Variants in NMNAT3 observed in about 807,000 individuals in gnomAD.
The protein encoded by NMNAT3 is nicotinamide/nicotinic acid mononucleotide adenylyltransferase 3.
NMNAT3 carries 21 observed loss-of-function variants against 24.8 expected under a neutral mutation model. The ratio of observed to expected loss-of-function variants is 0.85; its 90% CI spans 0.60 to 1.22. The LOEUF is 1.22. Among genes scored for constraint, NMNAT3 ranks in the 50% most tolerant of loss-of-function variants. The pLI is 0.00. For synonymous variants in NMNAT3, 136 were observed against 155.2 expected (o/e 0.88, Z 0.92); for missense variants, 387 against 436.6 (o/e 0.89, Z 1.01).
intron 3 of NMNAT3, chr3:139,599,475 G>A (rs2054617708): frequency 1.4e-6 from 1 of 694,774 alleles, no homozygotes; most frequent in Non-Finnish European, 2.6e-6. Context: ...AAATCTAAGA[G>A]ATCAGGAGCA....
intron 1 of NMNAT3, among the ~76,000 whole-genome samples, chr3:139,673,350 CA>C (rs1004618156): frequency 7.9e-5 from 12 of 152,274 alleles, no homozygotes; most frequent in African/African-American, 2.9e-4. Flanking sequence ...AATTGGATCA[CA>C]GCATTATTCT....
chr3:139,636,685 A>G (rs967619080), intron 2 of NMNAT3: 5 of 152,360 alleles, frequency 3.3e-5, no homozygotes, highest in African/African-American at 4.8e-5. Context: ...ATTTGTGGAC[A>G]CAATACTCAA....
intron 6 of NMNAT3, chr3:139,566,138 T>G (rs1214285866): frequency 1.3e-5 from 2 of 152,116 alleles, no homozygotes; most frequent in African/African-American, 4.8e-5. Context: ...TTTCATGTGT[T>G]TTTTGGCTGC....
At chr3:139,576,018 A>G (rs1939252629) in intron 5 of NMNAT3, 2 of 1,289,206 alleles carry the variant, frequency 1.6e-6, no homozygotes, top group Non-Finnish European at 2.0e-6. Context: ...ACAACACAAG[A>G]TCATGTCTGC....
intron 2 of NMNAT3, chr3:139,635,856 G>A (rs1219612056): frequency 1.3e-5 from 2 of 152,206 alleles, no homozygotes; most frequent in East Asian, 1.9e-4. Flanking sequence ...CATGCCTAAG[G>A]TCTGGCCAGT....
chr3:139,570,048 ACT>A (rs1937906756), intron 6 of NMNAT3: 1 of 151,718 alleles, frequency 6.6e-6, no homozygotes, highest in Non-Finnish European at 1.5e-5. Flanking sequence ...GTTTCTTTTT[ACT>A]CTTTTTCCTC....
At chr3:139,604,169 T>C (rs534561368) in intron 3 of NMNAT3, among the ~76,000 whole-genome samples, 4 of 152,302 alleles carry the variant, frequency 2.6e-5, no homozygotes, top group East Asian at 3.9e-4. Flanking sequence ...CCTTCATAAA[T>C]GTAGACACTG....
chr3:139,582,556 C>T (rs2053693137), intron 4 of NMNAT3, among the ~76,000 whole-genome samples: 1 of 136,164 alleles, frequency 7.3e-6, no homozygotes, highest in Admixed American at 8.6e-5. Flanking sequence ...GTGGGTGGAT[C>T]ACTTGAACCC....
At chr3:139,604,639 T>C (rs1271357470) in intron 3 of NMNAT3, among the ~76,000 whole-genome samples, 1 of 152,178 alleles carries the variant, frequency 6.6e-6, no homozygotes, top group Non-Finnish European at 1.5e-5. Context: ...GGTAGTCTGG[T>C]TCCAGGGCCC....
At chr3:139,594,785 T>G (rs1485736917) in intron 3 of NMNAT3, among the ~76,000 whole-genome samples, 1 of 152,106 alleles carries the variant, frequency 6.6e-6, no homozygotes, top group Non-Finnish European at 1.5e-5. Flanking sequence ...AAACTCTCAA[T>G]AAATTAGGTA....
At chr3:139,676,308 C>A (rs1467533442) in intron 1 of NMNAT3, among the ~76,000 whole-genome samples, 1 of 152,192 alleles carries the variant, frequency 6.6e-6, no homozygotes, top group East Asian at 1.9e-4. Context: ...GAGCAGCTGA[C>A]AGATGTTTCC....
chr3:139,648,690 A>C (rs538882041), intron 1 of NMNAT3, among the ~76,000 whole-genome samples: 1 of 152,356 alleles, frequency 6.6e-6, no homozygotes, highest in African/African-American at 2.4e-5. Context: ...ATATGTCATC[A>C]GACTGTCCTC....
At chr3:139,663,602 C>G (rs2057487670) in intron 1 of NMNAT3, among the ~76,000 whole-genome samples, 1 of 152,196 alleles carries the variant, frequency 6.6e-6, no homozygotes, top group Non-Finnish European at 1.5e-5. Flanking sequence ...CCACTTAACT[C>G]CTCTGGCCTC....
intron 1 of NMNAT3, among the ~76,000 whole-genome samples, chr3:139,638,535 G>A (rs1346286617): frequency 6.7e-6 from 1 of 149,758 alleles, no homozygotes; most frequent in East Asian, 2.0e-4. Context: ...GGCCCTTCTA[G>A]TGCCCAAATC....
intron 6 of NMNAT3, 34 bp downstream of exon 6, chr3:139,573,564 T>G: frequency 1.5e-6 from 2 of 1,346,830 alleles, no homozygotes; most frequent in South Asian, 2.8e-5. Flanking sequence ...CCCTGACATC[T>G]CATTCTCCTA....
intron 5 of NMNAT3, among the ~76,000 whole-genome samples, chr3:139,573,949 T>C (rs1938873705): frequency 6.6e-6 from 1 of 152,024 alleles, no homozygotes; most frequent in Non-Finnish European, 1.5e-5. Context: ...TTCTATTCTT[T>C]TAACATTTTC....
At chr3:139,574,402 C>A (rs1472429608) in intron 5 of NMNAT3, among the ~76,000 whole-genome samples, 1 of 152,250 alleles carries the variant, frequency 6.6e-6, no homozygotes, top group Non-Finnish European at 1.5e-5. Context: ...TTAATACACA[C>A]AAAGTGCACT....
At chr3:139,585,947 T>C (rs2053919724) in intron 3 of NMNAT3, among the ~76,000 whole-genome samples, 1 of 152,190 alleles carries the variant, frequency 6.6e-6, no homozygotes, top group African/African-American at 2.4e-5. Context: ...AGTCTCTGAA[T>C]TCTGTTCTTC....
intron 3 of NMNAT3, among the ~76,000 whole-genome samples, chr3:139,620,388 A>G (rs1429711444): frequency 6.6e-6 from 1 of 152,036 alleles, no homozygotes; most frequent in Non-Finnish European, 1.5e-5. Context: ...AGATTAATTT[A>G]TATTTTCTAG....
Sources: gnomAD v4.1 joint callset for allele counts (sites outside exome capture counted in the v4.1 genomes callset) on GRCh38, gnomAD v4.1.1 for gene constraint, MANE v1.5 for transcripts, NCBI Gene and HGNC (gene_info 2026-07-23, HGNC 2026-07-21) for gene names.